ZKSCAN7: variants seen among roughly 807,000 people sequenced by gnomAD.
ZKSCAN7 encodes the protein zinc finger with KRAB and SCAN domains 7.
A neutral mutation model predicts 65.3 loss-of-function variants in ZKSCAN7; 38 were observed. The observed-to-expected ratio is 0.58, with a 90% CI of 0.45 to 0.76. The LOEUF is 0.76. ZKSCAN7 is among the 30% of genes least tolerant of loss of function. ZKSCAN7 has a pLI of 0.00. For synonymous variants in ZKSCAN7, 321 were observed against 321.0 expected, an observed-to-expected ratio of 1.00 and a Z score of 0.00; for missense variants, 815 against 913.3, an observed-to-expected ratio of 0.89 and a Z score of 1.39.
chr3:44,579,834 T>C (rs6777333), intron 5 of ZKSCAN7: 483,445 of 1,611,784 alleles, frequency 0.3, 78,673 homozygotes, highest in African/African-American at 0.42. Flanking sequence ...TTCCACTGGC[T>C]GTCCTCATAC....
chr3:44,561,437 G>T (rs1699473804), intron 2 of ZKSCAN7, among the ~76,000 whole-genome samples: 1 of 152,044 alleles, frequency 6.6e-6, no homozygotes, highest in Non-Finnish European at 1.5e-5. Flanking sequence ...CTATTATTCT[G>T]CCCTGGCCCC....
At chr3:44,581,949 C>T (rs1298281558) in intron 5 of ZKSCAN7, among the ~76,000 whole-genome samples, 1 of 152,180 alleles carries the variant, frequency 6.6e-6, no homozygotes, top group African/African-American at 2.4e-5. Flanking sequence ...ACAGAGCGTG[C>T]ATTCCTGAAA....
At position 44,568,302 on chromosome 3, in the gene ZKSCAN7, T is replaced by G. The variant is rs751717995; in HGVS notation, c.685-5T>G. On this transcript the variant is annotated splice_region_variant and splice_polypyrimidine_tract_variant and intron_variant, in intron 4 of 5. Coordinates refer to ENST00000426540, the MANE Select transcript of ZKSCAN7 (RefSeq NM_001288590.2). ...TTCCTGAGCGATTGGAGCTTGTCAT[T>G]CCAGGATACTGTGGCATATGAGGAC... The G allele has an allele frequency of 6.2e-7, 1 of 1,611,360 alleles. No homozygotes were observed. Among genetic ancestry groups the G allele is most frequent in the South Asian group, 1.1e-5 (1 of 90,462 alleles).
In ZKSCAN7 at chr3:44,566,494, C is replaced by T. The variant is rs1057003166; in HGVS notation, c.592+839C>T. Among the ~76,000 whole-genome samples, 5 of 152,092 alleles carry T rather than the reference C, an allele frequency of 3.3e-5. No homozygotes were observed. In the East Asian group the frequency reaches 9.7e-4, roughly 29 times the overall value. On this transcript the variant is annotated intron_variant, in intron 3 of 5. Coordinates refer to ENST00000426540, the MANE Select transcript of ZKSCAN7 (RefSeq NM_001288590.2). ...CAAGGATAAAATTGAAAAATATTAT[C>T]ATGGAAACATCCGTGGGACTTGAGT... is the stretch of plus-strand genomic sequence containing the variant.
chr3:44,581,628 G>A (rs1435650672), intron 5 of ZKSCAN7, among the ~76,000 whole-genome samples: 1 of 152,204 alleles, frequency 6.6e-6, no homozygotes, highest in East Asian at 1.9e-4. Context: ...AAAGGTATCA[G>A]TAAACAGTGT....
chr3:44,569,122 C>T (rs1442145501), intron 5 of ZKSCAN7, among the ~76,000 whole-genome samples: 3 of 152,222 alleles, frequency 2.0e-5, no homozygotes, highest in South Asian at 4.1e-4. Context: ...CGCATCATCT[C>T]ATTTGGGCAC....
intron 5 of ZKSCAN7, chr3:44,580,238 G>C (rs1559434741): frequency 5.6e-6 from 9 of 1,612,540 alleles, no homozygotes; most frequent in Non-Finnish European, 7.6e-6. Flanking sequence ...GAGAGAAGTA[G>C]CTGCTCTCCC....
chr3:44,577,198 C>T (rs1699938781), intron 5 of ZKSCAN7, among the ~76,000 whole-genome samples: 2 of 152,256 alleles, frequency 1.3e-5, no homozygotes, highest in East Asian at 3.9e-4. Context: ...GAACCCCTGG[C>T]CTCAAGCAAC....
Position 44,569,997 on chromosome 3 carries a change from G to C in ZKSCAN7, c.887G>C (p.Arg296Thr). 6.2e-7 allele frequency: 1 copy of C among 1,609,080 alleles called. No individual in the cohort carries two copies. The highest frequency in any genetic ancestry group is 8.5e-7 in the Non-Finnish European group (1 of 1,178,226). ...TTTAAAGGATCAGAGTCATCTAACAGGACATCAGGGGGACTCTTTGGGGTG... is the reference window on the plus strand; with the variant it reads ...TTTAAAGGATCAGAGTCATCTAACACGACATCAGGGGGACTCTTTGGGGTG... ...EFFKGSESSN[R>T]TSGGLFGVVP... The change falls in exon 6 of 6, where the codon AGG becomes ACG. Residue 296 changes from arginine (R) to threonine (T), a missense_variant. Arg to Thr is a moderately conservative substitution (Grantham distance 71). This residue lies in a region of ZKSCAN7 where 578 missense variants were observed against 629.5 expected (regional missense o/e 0.92). Transcript: ENST00000426540.
In ZKSCAN7 at chr3:44,570,204, C is replaced by G; in HGVS notation, c.1094C>G (p.Pro365Arg). The change falls in exon 6 of 6, where the codon CCT (proline) becomes CGT (arginine). Residue 365 changes from proline to arginine, a missense_variant. By Grantham distance (103) the Pro-to-Arg change is moderately radical. Coordinates refer to ENST00000426540, the MANE Select transcript of ZKSCAN7 (RefSeq NM_001288590.2). The stretch of plus-strand genomic sequence containing the variant: ...TATAAGGAAGTTGGGGAACATCCAC[C>G]TCTGTCTTCCAGTCCTGTTGAACAT... ...DKYKEVGEHP[P>R]LSSSPVEHEG... 1.9e-6 allele frequency: 3 copies of G among 1,614,216 alleles called. No homozygotes were observed. Among genetic ancestry groups the G allele is most frequent in the Middle Eastern group, 3.3e-4 (2 of 6,062 alleles).
downstream of ZKSCAN7, among the ~76,000 whole-genome samples, chr3:44,575,640 C>T (rs1403642251): frequency 2.0e-5 from 3 of 152,280 alleles, no homozygotes; most frequent in Middle Eastern, 3.4e-3. Flanking sequence ...TGCAATGGCA[C>T]GATCTCGGCT....
chr3:44,577,295 T>A (rs915215449), intron 5 of ZKSCAN7, among the ~76,000 whole-genome samples: 3 of 151,588 alleles, frequency 2.0e-5, no homozygotes, highest in Non-Finnish European at 4.4e-5. Flanking sequence ...TTTTTTTTGT[T>A]TTTTTTTAGG....
chr3:44,582,830 C>T, intron 5 of ZKSCAN7: 2 of 332,406 alleles, frequency 6.0e-6, no homozygotes, highest in South Asian at 4.5e-5. Context: ...TGGCCCCACC[C>T]ACCCAAATGA....
rs9873604 is a variant in ZKSCAN7 at position 44,570,558 on chromosome 3, C to T, written c.1448C>T (p.Thr483Ile). The part of the protein sequence containing the change: ...AKAFTQSSRL[T>I]DHQRTHTGEK... The stretch of plus-strand genomic sequence containing the variant: ...GCCTTTACTCAGAGTTCCCGACTCA[C>T]TGACCACCAGAGAACCCATACTGGG... Residue 483 changes from threonine (T) to isoleucine (I), a missense_variant, in exon 6 of 6, where the codon ACT (threonine) becomes ATT (isoleucine). Coordinates refer to ENST00000426540, the MANE Select transcript of ZKSCAN7 (RefSeq NM_001288590.2). The T allele has an allele frequency of 0.72, 1,165,980 of 1,614,014 alleles. 422,269 individuals carry two copies. Among genetic ancestry groups the T allele is most frequent in the East Asian group, 0.85 (38,073 of 44,880 alleles).
chr3:44,563,133 C>A (rs902965576), intron 2 of ZKSCAN7, among the ~76,000 whole-genome samples: 3 of 152,160 alleles, frequency 2.0e-5, no homozygotes, highest in Non-Finnish European at 2.9e-5. Context: ...ATATGTTTTT[C>A]ATCTCCATCT....
chr3:44,576,687 G>A (rs1454377469), downstream of ZKSCAN7, among the ~76,000 whole-genome samples: 1 of 152,166 alleles, frequency 6.6e-6, no homozygotes, highest in African/African-American at 2.4e-5. Flanking sequence ...TATTAAAACT[G>A]TCCCTTTAGA....
intron 5 of ZKSCAN7, chr3:44,582,945 T>A (rs28419573): frequency 1.0e-4 from 42 of 421,006 alleles, no homozygotes; most frequent in African/African-American, 4.7e-4. Flanking sequence ...TGTGTGTGTG[T>A]GACTGAGTTT....
downstream of ZKSCAN7, among the ~76,000 whole-genome samples, chr3:44,575,917 C>T (rs139147643): frequency 8.8e-3 from 1,337 of 152,210 alleles, 22 homozygotes; most frequent in African/African-American, 0.031. Flanking sequence ...GAAGTAGATT[C>T]AATTTGCCAA....
chr3:44,579,717 C>G (rs539671170), intron 5 of ZKSCAN7, among the ~76,000 whole-genome samples: 14 of 152,294 alleles, frequency 9.2e-5, no homozygotes, highest in African/African-American at 3.4e-4. Context: ...TCTGTGACAT[C>G]GTAACATGCA....
Sources: gnomAD v4.1 joint callset for allele counts (sites outside exome capture counted in the v4.1 genomes callset) on GRCh38, gnomAD v4.1.1 for gene constraint, gnomAD v4.1.1 regional missense constraint, MANE v1.5 for transcripts, NCBI Gene and HGNC (gene_info 2026-07-23, HGNC 2026-07-21) for gene names.